The following KCNMA1 variants were observed in gnomAD, a reference collection of about 807,000 sequenced individuals.
KCNMA1 encodes the protein potassium calcium-activated channel subfamily M alpha 1.
Under a neutral mutation model 140.0 loss-of-function variants are expected in KCNMA1, and 29 were observed. The ratio of observed to expected loss-of-function variants is 0.21; its 90% CI spans 0.15 to 0.28. The LOEUF (loss-of-function observed/expected upper bound fraction) is 0.28, where lower values mean the gene tolerates loss of function less well. Ranked by LOEUF, KCNMA1 falls within the 10% of genes least tolerant of loss-of-function variation. The pLI is 1.00. For missense variants in KCNMA1, 880 were observed against 1,602.2 expected, an observed-to-expected ratio of 0.55 and a Z score of 7.70; for synonymous variants, 612 against 611.9, an observed-to-expected ratio of 1.00 and a Z score of 0.00.
chr10:76,926,001 G>C (rs2057563093), intron 23 of KCNMA1, among the ~76,000 whole-genome samples: 1 of 152,104 alleles, frequency 6.6e-6, no homozygotes, highest in Non-Finnish European at 1.5e-5. Context: ...AACAGTTGAT[G>C]GTTCTTTAAA....
chr10:77,134,222 C>T (rs2097924413), intron 5 of KCNMA1, among the ~76,000 whole-genome samples: 1 of 151,986 alleles, frequency 6.6e-6, no homozygotes, highest in South Asian at 2.1e-4. Context: ...ACAGGCTCTG[C>T]CACCACCATA....
chr10:77,087,475 A>C (rs1202684833), intron 10 of KCNMA1, among the ~76,000 whole-genome samples: 1 of 152,216 alleles, frequency 6.6e-6, no homozygotes, highest in Non-Finnish European at 1.5e-5. Flanking sequence ...TGGGAGAGGC[A>C]TCCTGCTGTT....
chr10:77,527,691 GAGAA>G (rs2056286430), intron 1 of KCNMA1, among the ~76,000 whole-genome samples: 2 of 152,190 alleles, frequency 1.3e-5, no homozygotes, highest in Non-Finnish European at 2.9e-5. Context: ...TTTATTAAAA[GAGAA>G]AGAAAGAGAG....
intron 1 of KCNMA1, among the ~76,000 whole-genome samples, chr10:77,590,870 C>T (rs1341580507): frequency 6.6e-6 from 1 of 152,238 alleles, no homozygotes; most frequent in Non-Finnish European, 1.5e-5. Flanking sequence ...GACACTCTAG[C>T]GAGACTCAAA....
intron 2 of KCNMA1, among the ~76,000 whole-genome samples, chr10:77,292,621 T>C (rs1284630227): frequency 6.6e-6 from 1 of 152,222 alleles, no homozygotes; most frequent in Non-Finnish European, 1.5e-5. Context: ...TACCACCTCC[T>C]CTTTTTGTCC....
Position 77,554,988 on chromosome 10 carries a change from A to G in KCNMA1, c.378+82277T>C, listed in dbSNP as rs138291147. On this transcript the variant is annotated intron_variant, in intron 1 of 27. Transcript: ENST00000286628. ...TAATATGAAAGTGACTTCTCTTCTC[A>G]GAAGAACCGTTCATAATGAAATTCG... 3.5e-4 allele frequency among the ~76,000 whole-genome samples: 53 copies of G among 152,132 alleles called. 2 individuals are homozygous for G. The East Asian group carries it at 0.01, about 29-fold the overall frequency.
chr10:77,040,764 AC>A (rs1254326231), intron 14 of KCNMA1, among the ~76,000 whole-genome samples: 2 of 152,264 alleles, frequency 1.3e-5, no homozygotes, highest in East Asian at 1.9e-4. Context: ...GATTTTTCTG[AC>A]CCCCCAAGGA....
At chr10:77,427,716 CATTCATTT>C (rs2097049014) in intron 1 of KCNMA1, among the ~76,000 whole-genome samples, 3 of 61,360 alleles carry the variant, frequency 4.9e-5, no homozygotes, top group African/African-American at 2.4e-4. Context: ...AGCATCCATC[CATTCATTT>C]ATTTATTTAT....
intron 2 of KCNMA1, among the ~76,000 whole-genome samples, chr10:77,398,060 ATG>A (rs71028275): frequency 2.6e-4 from 38 of 148,476 alleles, no homozygotes; most frequent in Middle Eastern, 3.6e-3. Flanking sequence ...ATATGTGTGT[ATG>A]TGTGTGTGTG....
intron 1 of KCNMA1, among the ~76,000 whole-genome samples, chr10:77,550,847 C>T (rs1438411340): frequency 2.0e-5 from 3 of 152,174 alleles, no homozygotes; most frequent in Non-Finnish European, 4.4e-5. Flanking sequence ...CCCCCCACAA[C>T]CCAAGCAGTA....
intron 23 of KCNMA1, among the ~76,000 whole-genome samples, chr10:76,923,997 C>A (rs990646070): frequency 6.6e-6 from 1 of 151,980 alleles, no homozygotes; most frequent in Non-Finnish European, 1.5e-5. Flanking sequence ...AAGGTGAGAC[C>A]CTGTCTCAAA....
Position 77,412,844 on chromosome 10 carries a change from T to TTTTTG in KCNMA1, c.379-8826_379-8822dup, listed in dbSNP as rs566706184. Among the ~76,000 whole-genome samples, 396 of 152,240 alleles carry TTTTTG rather than the reference T, an allele frequency of 2.6e-3. 1 individual carries two copies. The highest frequency in any genetic ancestry group is 4.5e-3 in the African/African-American group (188 of 41,558). ...AAGTCCATAGGCCCATGTTAGCTTT[T>TTTTTG]TTTTGTTTTGTTTTGTTTTGTTTTG... On this transcript the variant is annotated intron_variant, in intron 1 of 27. Transcript: ENST00000286628.
intron 1 of KCNMA1, among the ~76,000 whole-genome samples, chr10:77,554,939 T>C (rs1036425877): frequency 1.3e-5 from 2 of 152,160 alleles, no homozygotes; most frequent in African/African-American, 2.4e-5. Flanking sequence ...CAGGTTGGCA[T>C]TGACCTCTTC....
chr10:77,506,742 T>G (rs1213397101), intron 1 of KCNMA1, among the ~76,000 whole-genome samples: 6,624 of 45,532 alleles, frequency 0.15, 1 homozygote, highest in Middle Eastern at 0.18. Context: ...GTGTGTGTGT[T>G]TGTTAGAGAG....
intron 2 of KCNMA1, among the ~76,000 whole-genome samples, chr10:77,343,803 A>C (rs2091547582): frequency 6.6e-6 from 1 of 152,240 alleles, no homozygotes; most frequent in Non-Finnish European, 1.5e-5. Context: ...ACAACTGTTT[A>C]GGAGAAGGCC....
At chr10:77,142,860 C>T (rs1284239279) in intron 5 of KCNMA1, among the ~76,000 whole-genome samples, 2 of 152,144 alleles carry the variant, frequency 1.3e-5, no homozygotes, top group Non-Finnish European at 2.9e-5. Context: ...ACAATTTTCT[C>T]CAACTGACAC....
At chr10:76,888,655 C>T (rs1198482987) in intron 27 of KCNMA1, among the ~76,000 whole-genome samples, 1 of 152,108 alleles carries the variant, frequency 6.6e-6, no homozygotes, top group Non-Finnish European at 1.5e-5. Flanking sequence ...TGTTATTTCT[C>T]TGCTTAAGGT....
chr10:77,565,993 C>G, intron 1 of KCNMA1, among the ~76,000 whole-genome samples: 1 of 145,466 alleles, frequency 6.9e-6, no homozygotes, highest in African/African-American at 2.5e-5. Flanking sequence ...TGTGCCTCCA[C>G]GGAATATTCT....
intron 2 of KCNMA1, among the ~76,000 whole-genome samples, chr10:77,252,963 T>C (rs1158677038): frequency 6.6e-6 from 1 of 152,104 alleles, no homozygotes. Flanking sequence ...TAATCCCTCT[T>C]AGCTGCCTCA....
Sources: gnomAD v4.1 joint callset for allele counts (sites outside exome capture counted in the v4.1 genomes callset) on GRCh38, gnomAD v4.1.1 for gene constraint, MANE v1.5 for transcripts, NCBI Gene and HGNC (gene_info 2026-07-23, HGNC 2026-07-21) for gene names.